Variants in CHLSN observed in about 807,000 individuals in gnomAD.
The protein encoded by CHLSN is cholesin.
At chr7:1,117,282 C>T in the CHLSN span, among the ~76,000 whole-genome samples, 127 of 78,610 alleles carry the variant, frequency 1.6e-3, 17 homozygotes, top group Middle Eastern at 0.011. Flanking sequence ...TCACCGACGC[C>T]CACGCAGGAT....
chr7:1,076,508 G>A, the CHLSN span, among the ~76,000 whole-genome samples: 1 of 152,232 alleles, frequency 6.6e-6, no homozygotes, highest in Non-Finnish European at 1.5e-5. Flanking sequence ...GGAGCCTGCA[G>A]GCGGACTGGG....
chr7:1,083,485 G>A, the CHLSN span, among the ~76,000 whole-genome samples: 3 of 151,958 alleles, frequency 2.0e-5, no homozygotes, highest in East Asian at 1.9e-4. Flanking sequence ...AAAATTAGCC[G>A]GGCCTGGTGG....
chr7:1,130,694 A>T, the CHLSN span, among the ~76,000 whole-genome samples: 1 of 146,656 alleles, frequency 6.8e-6, no homozygotes, highest in Admixed American at 6.8e-5. Context: ...GCAGAGCCCC[A>T]GGCTATGTGG....
At chr7:1,133,526 G>A in the CHLSN span, among the ~76,000 whole-genome samples, 1 of 151,804 alleles carries the variant, frequency 6.6e-6, no homozygotes, top group Non-Finnish European at 1.5e-5. Flanking sequence ...TGAGGCAGAT[G>A]GATCACGAGG....
the CHLSN span, chr7:1,093,035 C>A: frequency 2.8e-6 from 2 of 720,558 alleles, no homozygotes; most frequent in Admixed American, 2.0e-5. Context: ...GGAAACCTCA[C>A]GACTGGTCAC....
At chr7:1,027,017 C>T in the CHLSN span, 1 of 152,306 alleles carries the variant, frequency 6.6e-6, no homozygotes, top group East Asian at 1.9e-4. Context: ...CAGCACCCGC[C>T]GTGCAGGAGC....
At chr7:1,032,687 G>A in the CHLSN span, among the ~76,000 whole-genome samples, 1 of 152,044 alleles carries the variant, frequency 6.6e-6, no homozygotes, top group Non-Finnish European at 1.5e-5. Context: ...CGCCCACACC[G>A]CCAGGCACCC....
the CHLSN span, among the ~76,000 whole-genome samples, chr7:1,040,899 G>C: frequency 2.0e-5 from 3 of 152,256 alleles, no homozygotes; most frequent in African/African-American, 7.2e-5. Context: ...GATGAGCAAA[G>C]GCAGACGTGC....
the CHLSN span, among the ~76,000 whole-genome samples, chr7:1,042,756 C>T: frequency 6.6e-6 from 1 of 152,126 alleles, no homozygotes; most frequent in African/African-American, 2.4e-5. Flanking sequence ...CCAGACAGCA[C>T]GGTGCATACT....
the CHLSN span, chr7:1,010,183 G>A: frequency 1.3e-5 from 20 of 1,568,520 alleles, no homozygotes; most frequent in African/African-American, 1.5e-4. Context: ...GGGATGGAGG[G>A]TATCCAGAGA....
the CHLSN span, chr7:984,447 C>T: frequency 7.7e-6 from 12 of 1,549,480 alleles, no homozygotes; most frequent in African/African-American, 1.2e-4. Flanking sequence ...TCACCGTGCA[C>T]CTGGGGCGCC....
At chr7:1,026,622 A>G in the CHLSN span, 2 of 152,196 alleles carry the variant, frequency 1.3e-5, no homozygotes, top group East Asian at 1.9e-4. Context: ...GTTGCTCCCC[A>G]TTCTTCAATG....
the CHLSN span, among the ~76,000 whole-genome samples, chr7:1,070,613 T>TAC: frequency 4.1e-5 from 5 of 122,732 alleles, no homozygotes; most frequent in African/African-American, 1.5e-4. Flanking sequence ...CACACATGCA[T>TAC]GCACACACGC....
At chr7:1,070,825 A>ACATGTGCG in the CHLSN span, among the ~76,000 whole-genome samples, 1,972 of 147,424 alleles carry the variant, frequency 0.013, 77 homozygotes, top group African/African-American at 0.048. Context: ...CCACACGTGC[A>ACATGTGCG]CACATATACA....
chr7:1,060,525 C>T, the CHLSN span, among the ~76,000 whole-genome samples: 4 of 152,134 alleles, frequency 2.6e-5, no homozygotes, highest in African/African-American at 9.7e-5. Flanking sequence ...TTGCAGCCAT[C>T]GACGTGGGGA....
chr7:1,016,565 ACAC>A, the CHLSN span, among the ~76,000 whole-genome samples: 3 of 139,372 alleles, frequency 2.2e-5, no homozygotes, highest in East Asian at 2.1e-4. Flanking sequence ...ACAGCAGCGC[ACAC>A]CAGTACACAG....
the CHLSN span, among the ~76,000 whole-genome samples, chr7:1,008,875 G>A: frequency 5.5e-5 from 7 of 126,128 alleles, no homozygotes; most frequent in South Asian, 2.4e-4. Context: ...ACACGTGTAC[G>A]CAACACTCGT....
the CHLSN span, chr7:1,092,564 TC>T: frequency 6.2e-7 from 1 of 1,610,538 alleles, no homozygotes; most frequent in East Asian, 2.2e-5. Context: ...AACGTCTTCA[TC>T]AGCGTGCACC....
At chr7:1,030,948 C>T in the CHLSN span, among the ~76,000 whole-genome samples, 5 of 152,194 alleles carry the variant, frequency 3.3e-5, no homozygotes, top group Non-Finnish European at 7.4e-5. Context: ...GTCCATGCAT[C>T]CACCCAGGCT....
Sources: gnomAD v4.1 joint callset for allele counts (sites outside exome capture counted in the v4.1 genomes callset) on GRCh38, gnomAD v4.1.1 for gene constraint, MANE v1.5 for transcripts, NCBI Gene and HGNC (gene_info 2026-07-23, HGNC 2026-07-21) for gene names.